The following MSH4 variants were observed in gnomAD, a reference collection of about 807,000 sequenced individuals.
MSH4 encodes the protein mutS protein homolog 4.
A neutral mutation model predicts 113.7 loss-of-function variants in MSH4; 106 were observed. The observed-to-expected ratio is 0.93, with a 90% CI of 0.80 to 1.10. The LOEUF (loss-of-function observed/expected upper bound fraction) is 1.10. Among genes scored for constraint, MSH4 ranks in the 50% least tolerant of loss-of-function variants. MSH4 has a pLI of 0.00. For synonymous variants in MSH4, 368 were observed against 380.2 expected (o/e 0.97, Z 0.37); for missense variants, 1,061 against 1,093.7 (o/e 0.97, Z 0.42).
At chr1:75,899,952 A>C (rs964024) in intron 19 of MSH4, among the ~76,000 whole-genome samples, 64,577 of 151,484 alleles carry the variant, frequency 0.43, 14,116 homozygotes, top group African/African-American at 0.5. Context: ...AGTTTAGTTT[A>C]TAAAATAATT....
At chr1:75,835,764 A>G (rs1444209865) in intron 7 of MSH4, among the ~76,000 whole-genome samples, 2 of 152,182 alleles carry the variant, frequency 1.3e-5, no homozygotes, top group Admixed American at 6.5e-5. Context: ...ATTCACAGCC[A>G]AACCTGTTGA....
chr1:75,806,924 A>G (rs1180230587), intron 2 of MSH4, 57 bp from the exon 3 acceptor site: 25 of 1,440,530 alleles, frequency 1.7e-5, no homozygotes, highest in Non-Finnish European at 2.2e-5. Flanking sequence ...GTTTTTTTTA[A>G]AAAAAGAAAT....
At chr1:75,869,516 G>C (rs543370141) in intron 9 of MSH4, among the ~76,000 whole-genome samples, 1 of 152,158 alleles carries the variant, frequency 6.6e-6, no homozygotes, top group Non-Finnish European at 1.5e-5. Flanking sequence ...CAGGCCCAGA[G>C]ATCTAGGAGG....
chr1:75,809,371 G>T (rs1180861328), intron 3 of MSH4, among the ~76,000 whole-genome samples: 1 of 151,724 alleles, frequency 6.6e-6, no homozygotes, highest in African/African-American at 2.4e-5. Context: ...CAACCTTAAT[G>T]ATACTAGTAT....
At chr1:75,843,351 C>T (rs536874318) in intron 7 of MSH4, among the ~76,000 whole-genome samples, 4 of 152,248 alleles carry the variant, frequency 2.6e-5, no homozygotes, top group East Asian at 3.9e-4. Flanking sequence ...TTGCTGCACA[C>T]GGGGAGAAAC....
intron 16 of MSH4, among the ~76,000 whole-genome samples, chr1:75,889,770 G>A (rs955597312): frequency 6.6e-6 from 1 of 152,040 alleles, no homozygotes; most frequent in African/African-American, 2.4e-5. Context: ...TGTTCTCATA[G>A]AATTTTCACT....
chr1:75,832,911 C>G (rs1244375613), intron 7 of MSH4, among the ~76,000 whole-genome samples: 2 of 152,144 alleles, frequency 1.3e-5, no homozygotes, highest in Non-Finnish European at 2.9e-5. Context: ...TCCTATTCAA[C>G]ATAGTGTTGG....
At chr1:75,905,676 G>A (rs1469891208) in intron 19 of MSH4, among the ~76,000 whole-genome samples, 2 of 152,006 alleles carry the variant, frequency 1.3e-5, no homozygotes, top group Admixed American at 1.3e-4. Flanking sequence ...TTGTATTGCA[G>A]TCTATATTTC....
intron 19 of MSH4, among the ~76,000 whole-genome samples, chr1:75,902,733 A>G (rs12735845): frequency 0.022 from 2,017 of 92,680 alleles, 33 homozygotes; most frequent in African/African-American, 0.026. Flanking sequence ...ATATATATAT[A>G]TAGTTCTTTT....
intron 4 of MSH4, among the ~76,000 whole-genome samples, 159 bp downstream of exon 4, chr1:75,810,966 A>C (rs566690046): frequency 6.6e-6 from 1 of 152,032 alleles, no homozygotes; most frequent in East Asian, 1.9e-4. Flanking sequence ...CCAGCTCCCG[A>C]GTTCGAGTGA....
At chr1:75,856,984 C>T (rs1453453020) in intron 8 of MSH4, among the ~76,000 whole-genome samples, 2 of 152,184 alleles carry the variant, frequency 1.3e-5, no homozygotes, top group Non-Finnish European at 2.9e-5. Flanking sequence ...GCCATTCTAA[C>T]TGGCATGTGA....
chr1:75,801,535 T>C (rs1360355680), intron 1 of MSH4, among the ~76,000 whole-genome samples: 2 of 149,148 alleles, frequency 1.3e-5, no homozygotes, highest in Non-Finnish European at 3.0e-5. Flanking sequence ...GCCATTGCAC[T>C]CTAGCCTGGG....
At chr1:75,853,248 A>G (rs958454672) in intron 8 of MSH4, among the ~76,000 whole-genome samples, 2 of 152,068 alleles carry the variant, frequency 1.3e-5, no homozygotes, top group East Asian at 3.9e-4. Context: ...TATTTTTAGT[A>G]GAAACGGGGT....
chr1:75,889,466 G>T, intron 16 of MSH4, 97 bp downstream of exon 16: 1 of 598,788 alleles, frequency 1.7e-6, no homozygotes, highest in Non-Finnish European at 3.0e-6. Flanking sequence ...ATATGCAGAT[G>T]TTGCTTATAC....
rs1652021685 is a variant in MSH4 at position 75,884,715 on chromosome 1, G to A, written c.2107+894G>A. ...CATGGGTGAGAAACCTTGGTCTAAT[G>A]TAATGAATTGTAAGGAGAACAAAGC... is the stretch of plus-strand genomic sequence containing the variant. On this transcript the variant is annotated intron_variant, in intron 15 of 19. Coordinates refer to ENST00000263187, the MANE Select transcript of MSH4 (RefSeq NM_002440.4). 2.0e-5 allele frequency among the ~76,000 whole-genome samples: 3 copies of A among 151,890 alleles called. No homozygotes were observed. The Admixed American group carries it at 2.0e-4, about 10-fold the overall frequency.
chr1:75,866,291 G>A (rs1651561468), intron 8 of MSH4, among the ~76,000 whole-genome samples: 1 of 151,736 alleles, frequency 6.6e-6, no homozygotes, highest in Admixed American at 6.6e-5. Context: ...CCTCTATGTA[G>A]CTGGACCACA....
rs374697918 is a variant in MSH4 at position 75,810,677 on chromosome 1, G to A, written c.589-20G>A. 44 of 1,130,490 alleles carry A rather than the reference G, an allele frequency of 3.9e-5. No individual in the cohort carries two copies. In the Middle Eastern group the frequency reaches 6.5e-4, roughly 17 times the overall value. The allele number at this position is 1,130,490 out of a possible 1,614,324, so 70.0% of individuals were successfully genotyped here. A position where few individuals can be genotyped will look rare whatever the true frequency, so the allele number is the denominator to read the frequency against. ...TTTCCTAAGCTTTATTTAAGAAATT[G>A]TTTATTCAAATGATTTCAGGTGATC... On this transcript the variant is annotated intron_variant, in intron 3 of 19. Coordinates refer to ENST00000263187, the MANE Select transcript of MSH4 (RefSeq NM_002440.4).
chr1:75,807,125 A>C lies in MSH4; in HGVS notation c.572A>C (p.Asn191Thr). Reference protein sequence around the residue: ...PQIILSQFADNTTYAKVITKL... With the variant: ...PQIILSQFADTTTYAKVITKL... ...ATTATACTATCCCAGTTTGCAGACA[A>C]CACAACATATGCAAAGGTAAGTATT... is the stretch of plus-strand genomic sequence containing the variant. Residue 191 changes from asparagine (N) to threonine (T), a missense_variant, in exon 3 of 20, where the codon AAC becomes ACC. Transcript: ENST00000263187. The C allele has an allele frequency of 6.4e-7, 1 of 1,565,356 alleles. No homozygotes were observed. The highest frequency in any genetic ancestry group is 1.2e-5 in the South Asian group (1 of 81,350).
At chr1:75,838,382 G>A (rs142185517) in intron 7 of MSH4, among the ~76,000 whole-genome samples, 3 of 152,226 alleles carry the variant, frequency 2.0e-5, no homozygotes, top group African/African-American at 4.8e-5. Flanking sequence ...TTACACTGGG[G>A]CCAAGAGACA....
Sources: gnomAD v4.1 joint callset for allele counts (sites outside exome capture counted in the v4.1 genomes callset) on GRCh38, gnomAD v4.1.1 for gene constraint, MANE v1.5 for transcripts, NCBI Gene and HGNC (gene_info 2026-07-23, HGNC 2026-07-21) for gene names.